PCBP3: variants seen among roughly 807,000 people sequenced by gnomAD.
PCBP3 encodes poly(rC)-binding protein 3.
PCBP3 carries 25 observed loss-of-function variants against 52.7 expected under a neutral mutation model. The ratio of observed to expected loss-of-function variants is 0.47; its 90% CI spans 0.35 to 0.66. The LOEUF is 0.66. Among genes scored for constraint, PCBP3 ranks in the 30% least tolerant of loss-of-function variants. The pLI is 0.01. For missense variants in PCBP3, 391 were observed against 490.3 expected (o/e 0.80, Z 1.91); for synonymous variants, 162 against 183.0 (o/e 0.89, Z 0.93).
At chr21:45,785,190 G>A (rs12329841) in intron 4 of PCBP3, among the ~76,000 whole-genome samples, 26,528 of 148,468 alleles carry the variant, frequency 0.18, 2,440 homozygotes, top group Middle Eastern at 0.35. Flanking sequence ...CCCAGCAGCC[G>A]CCCCGTCTGA....
At chr21:45,751,840 G>A (rs2087538619) in intron 3 of PCBP3, among the ~76,000 whole-genome samples, 1 of 152,210 alleles carries the variant, frequency 6.6e-6, no homozygotes, top group African/African-American at 2.4e-5. Flanking sequence ...TGCCTGAACA[G>A]CGTAGCTCAG....
At chr21:45,900,913 C>A in intron 8 of PCBP3, 84 bp from the exon 9 acceptor site, 1 of 899,122 alleles carries the variant, frequency 1.1e-6, no homozygotes, top group South Asian at 1.3e-5. Context: ...GTGTTTGTGT[C>A]AATTGTCAAC....
chr21:45,775,301 C>CTT (rs35138043), intron 4 of PCBP3, among the ~76,000 whole-genome samples: 21 of 148,546 alleles, frequency 1.4e-4, no homozygotes, highest in East Asian at 3.9e-4. Flanking sequence ...GAGTATATAG[C>CTT]TTTTTTTTTT....
At position 45,724,731 on chromosome 21, in the gene PCBP3, A is replaced by T. The variant is rs2084905069; in HGVS notation, c.-199-10661A>T. Reference sequence around the variant, plus strand: ...ACCCGCCCCCCTCAGCTGGAGTGGCACTCTGTAACCCGCCCCCCCTCAGCT... The same window carrying T: ...ACCCGCCCCCCTCAGCTGGAGTGGCTCTCTGTAACCCGCCCCCCCTCAGCT... On this transcript the variant is annotated intron_variant, in intron 2 of 17. Coordinates refer to ENST00000681687, the MANE Select transcript of PCBP3 (RefSeq NM_001384156.1). The surrounding 1 kb of genome is among the most constrained non-coding windows in gnomAD (Gnocchi z 5.3). Among the ~76,000 whole-genome samples, 1 of 150,534 alleles carries T rather than the reference A, an allele frequency of 6.6e-6. No individual in the cohort carries two copies. Among genetic ancestry groups the T allele is most frequent in the Non-Finnish European group, 1.5e-5 (1 of 67,570 alleles).
At chr21:45,925,434 CAA>C (rs1473818850) in intron 13 of PCBP3, among the ~76,000 whole-genome samples, 7 of 152,164 alleles carry the variant, frequency 4.6e-5, no homozygotes, top group Non-Finnish European at 1.5e-5. Flanking sequence ...AATTAGAAAA[CAA>C]GTGTCAAAAA....
chr21:45,820,583 G>T (rs1039164882), intron 4 of PCBP3, among the ~76,000 whole-genome samples: 1 of 152,230 alleles, frequency 6.6e-6, no homozygotes, highest in Non-Finnish European at 1.5e-5. Flanking sequence ...AGTCAAGGAG[G>T]GGGTGAGACT....
At chr21:45,721,769 T>C (rs1434336484) in intron 2 of PCBP3, among the ~76,000 whole-genome samples, 1 of 152,228 alleles carries the variant, frequency 6.6e-6, no homozygotes, top group African/African-American at 2.4e-5. Flanking sequence ...GGGAGGGGAC[T>C]GAGTCTTACT....
chr21:45,772,190 C>G (rs2089925329), intron 4 of PCBP3, among the ~76,000 whole-genome samples: 1 of 152,066 alleles, frequency 6.6e-6, no homozygotes, highest in South Asian at 2.1e-4. Flanking sequence ...AATCCACTTC[C>G]TTTCCTCTTC....
At chr21:45,730,286 T>A (rs967023879) in intron 2 of PCBP3, among the ~76,000 whole-genome samples, 1 of 152,056 alleles carries the variant, frequency 6.6e-6, no homozygotes, top group Admixed American at 6.5e-5. Flanking sequence ...TTGACCCATA[T>A]GTTATTTAGA....
chr21:45,879,331 A>G (rs2095344693), intron 5 of PCBP3, among the ~76,000 whole-genome samples: 1 of 152,242 alleles, frequency 6.6e-6, no homozygotes, highest in Non-Finnish European at 1.5e-5. Context: ...GAACTAAAAA[A>G]TCTAATAACC....
intron 3 of PCBP3, chr21:45,750,688 T>G (rs529310258): frequency 3.9e-4 from 59 of 152,312 alleles, no homozygotes; most frequent in African/African-American, 1.3e-3. Context: ...TACCCAGCCC[T>G]GGAGTCCACC....
chr21:45,869,143 A>C (rs2094890747), intron 5 of PCBP3: 1 of 152,206 alleles, frequency 6.6e-6, no homozygotes. Flanking sequence ...TGCAATAAAA[A>C]CAAACCAAAC....
rs2075154220 is a variant in PCBP3, at chr21:45,924,957, A to G, written c.718-4960A>G. The stretch of plus-strand genomic sequence containing the variant: ...CGGGTGTGCGTGAGGAGATGCGAAC[A>G]CCGGGAACAGTCGTGTGGGTAGAAA... On this transcript the variant is annotated intron_variant, in intron 13 of 17. Transcript: ENST00000681687. Among the ~76,000 whole-genome samples the G allele has an allele frequency of 3.2e-5, 2 of 62,112 alleles. 1 individual carries two copies. Among genetic ancestry groups the G allele is most frequent in the Non-Finnish European group, 6.2e-5 (2 of 32,192 alleles). 40.7% of individuals were successfully genotyped at this position (62,112 alleles called of 152,430 possible). A position where few individuals can be genotyped will look rare whatever the true frequency, so the allele number is the denominator to read the frequency against.
At chr21:45,721,568 G>A (rs942464262) in intron 2 of PCBP3, among the ~76,000 whole-genome samples, 2 of 152,100 alleles carry the variant, frequency 1.3e-5, no homozygotes, top group South Asian at 2.1e-4. Context: ...ATTATTAAAT[G>A]ACTTATTATT....
rs574846315 is a variant in PCBP3 at position 45,748,498 on chromosome 21, T to C, written c.-161-6919T>C. Among the ~76,000 whole-genome samples the C allele has an allele frequency of 6.6e-4, 101 of 152,340 alleles. 1 individual carries two copies. The highest frequency in any genetic ancestry group is 2.2e-3 in the African/African-American group (91 of 41,574). ...CCAAGTGCTCTGGCCATTTTGCTCTTCTGAGGTACAGGCTGACAGCCCTGC... is the reference window on the plus strand; with the variant it reads ...CCAAGTGCTCTGGCCATTTTGCTCTCCTGAGGTACAGGCTGACAGCCCTGC... On this transcript the variant is annotated intron_variant, in intron 3 of 17. Transcript: ENST00000681687.
Position 45,883,285 on chromosome 21 carries a change from G to C in PCBP3, c.11-12923G>C, listed in dbSNP as rs574477965. Among the ~76,000 whole-genome samples, 129 of 152,292 alleles carry C rather than the reference G, an allele frequency of 8.5e-4. No individual in the cohort carries two copies. In the Middle Eastern group the frequency reaches 0.027, roughly 32 times the overall value. ...CTACGGTTTCAATTCTGTTAAATTT[G>C]CTGAGGTTTCTTTTATGGCCAAGGG... On this transcript the variant is annotated intron_variant, in intron 5 of 17. Coordinates refer to ENST00000681687, the MANE Select transcript of PCBP3 (RefSeq NM_001384156.1).
chr21:45,646,093 C>CTCTCTCTG, intron 1 of PCBP3, among the ~76,000 whole-genome samples: 1 of 81,430 alleles, frequency 1.2e-5, no homozygotes, highest in South Asian at 6.0e-4. Context: ...TTCTCTCTCT[C>CTCTCTCTG]TCTCTCTCTC....
intron 4 of PCBP3, among the ~76,000 whole-genome samples, chr21:45,793,486 T>C (rs890850194): frequency 3.3e-5 from 5 of 152,000 alleles, no homozygotes; most frequent in Non-Finnish European, 5.9e-5. Flanking sequence ...AACAGGAGTC[T>C]GAGGACCAGG....
chr21:45,672,278 A>T (rs1215610505), intron 2 of PCBP3, among the ~76,000 whole-genome samples: 1 of 152,190 alleles, frequency 6.6e-6, no homozygotes, highest in Non-Finnish European at 1.5e-5. Context: ...TAGACTTCTC[A>T]GCTTCTATAA....
Sources: allele counts gnomAD v4.1 joint callset (sites outside exome capture counted in the v4.1 genomes callset), GRCh38; gene constraint gnomAD v4.1.1; non-coding constraint Gnocchi (gnomAD v3.1); transcripts MANE v1.5; gene names NCBI Gene and HGNC (gene_info 2026-07-23, HGNC 2026-07-21).